PTPRE: variants seen among roughly 807,000 people sequenced by gnomAD.
PTPRE encodes the protein protein tyrosine phosphatase receptor type E.
PTPRE carries 51 observed loss-of-function variants against 102.0 expected under a neutral mutation model. That is an observed-to-expected ratio of 0.50 (90% CI 0.40 to 0.63). PTPRE has a LOEUF of 0.63. Among genes scored for constraint, PTPRE ranks in the 30% least tolerant of loss-of-function variants. The pLI is 0.00. For synonymous variants in PTPRE, 345 were observed against 348.2 expected, an observed-to-expected ratio of 0.99 and a Z score of 0.10; for missense variants, 752 against 915.1, an observed-to-expected ratio of 0.82 and a Z score of 2.30.
chr10:128,038,048 G>T (rs4131743), intron 2 of PTPRE, among the ~76,000 whole-genome samples: 1 of 146,852 alleles, frequency 6.8e-6, no homozygotes, highest in Non-Finnish European at 1.5e-5. Context: ...TGATCCACCC[G>T]CCTCGGCCTC....
intron 1 of PTPRE, among the ~76,000 whole-genome samples, chr10:127,939,622 T>C (rs1443805199): frequency 6.6e-6 from 1 of 151,870 alleles, no homozygotes; most frequent in Non-Finnish European, 1.5e-5. Flanking sequence ...CCCAAGGAGT[T>C]GGGTTGCTCT....
intron 1 of PTPRE, among the ~76,000 whole-genome samples, chr10:127,976,099 A>G (rs1851150736): frequency 6.6e-6 from 1 of 151,970 alleles, no homozygotes; most frequent in African/African-American, 2.4e-5. Flanking sequence ...CCTGTCCTCA[A>G]ACACTAGATC....
intron 6 of PTPRE, among the ~76,000 whole-genome samples, chr10:128,052,836 T>C (rs977109949): frequency 9.2e-5 from 14 of 152,152 alleles, no homozygotes; most frequent in African/African-American, 2.2e-4. Flanking sequence ...TGGAGCTCCA[T>C]AGAGCAGCTG....
At chr10:127,969,119 T>C (rs1850490365) in intron 1 of PTPRE, among the ~76,000 whole-genome samples, 1 of 152,200 alleles carries the variant, frequency 6.6e-6, no homozygotes, top group African/African-American at 2.4e-5. Context: ...AAAATACTAA[T>C]CTGGGGTTAT....
chr10:127,952,029 A>G (rs538437996), intron 1 of PTPRE, among the ~76,000 whole-genome samples: 72 of 152,300 alleles, frequency 4.7e-4, no homozygotes, highest in African/African-American at 1.6e-3. Flanking sequence ...CCTTGTCCAG[A>G]AGGCCCACCT....
At chr10:128,061,547 C>T in intron 8 of PTPRE, 132 bp from the exon 9 acceptor site, 1 of 1,124,334 alleles carries the variant, frequency 8.9e-7, no homozygotes, top group Non-Finnish European at 1.2e-6. Context: ...GTTTTCTTTC[C>T]TTCTTAACCT....
intron 1 of PTPRE, among the ~76,000 whole-genome samples, chr10:127,957,220 C>G (rs1223092403): frequency 1.3e-5 from 2 of 152,066 alleles, no homozygotes; most frequent in African/African-American, 4.8e-5. Context: ...ACATTTAGGT[C>G]TATGATCTAT....
intron 1 of PTPRE, among the ~76,000 whole-genome samples, chr10:127,917,683 T>C (rs1717633326): frequency 1.3e-5 from 2 of 152,054 alleles, no homozygotes; most frequent in Admixed American, 1.3e-4. Flanking sequence ...TTTTTTTATT[T>C]TGAAAATTGG....
intron 1 of PTPRE, among the ~76,000 whole-genome samples, chr10:127,911,367 C>T (rs1010036745): frequency 4.6e-5 from 7 of 152,238 alleles, no homozygotes; most frequent in African/African-American, 1.7e-4. Context: ...TTGCTGTGCA[C>T]ATTAACCAGG....
chr10:127,980,958 C>T (rs368144507), intron 1 of PTPRE, among the ~76,000 whole-genome samples: 6 of 152,084 alleles, frequency 3.9e-5, no homozygotes, highest in Non-Finnish European at 8.8e-5. Context: ...CGTGCAGTGA[C>T]GACTGAGCAA....
In PTPRE at chr10:128,083,019, T is replaced by A; in HGVS notation, c.*113T>A. On this transcript the variant is annotated 3_prime_UTR_variant, in exon 21 of 21. Coordinates refer to ENST00000254667, the MANE Select transcript of PTPRE (RefSeq NM_006504.6). ...TCTTCCCTAATTTCTTTGTATATATTTTGTTATGCCTTAAAGGCCACCTGC... is the reference window on the plus strand; with the variant it reads ...TCTTCCCTAATTTCTTTGTATATATATTGTTATGCCTTAAAGGCCACCTGC... 8.7e-7 allele frequency: 1 copy of A among 1,146,854 alleles called. No homozygotes were observed. Among genetic ancestry groups the A allele is most frequent in the Non-Finnish European group, 1.2e-6 (1 of 866,770 alleles). 71.0% of individuals were successfully genotyped at this position (1,146,854 alleles called of 1,614,324 possible).
intron 2 of PTPRE, among the ~76,000 whole-genome samples, chr10:127,988,575 G>A (rs953513243): frequency 6.6e-6 from 1 of 152,170 alleles, no homozygotes; most frequent in African/African-American, 2.4e-5. Context: ...AAAGTGCTGG[G>A]ATTACAGGCA....
At chr10:127,923,874 A>G (rs556640638) in intron 1 of PTPRE, among the ~76,000 whole-genome samples, 15 of 152,230 alleles carry the variant, frequency 9.9e-5, no homozygotes, top group African/African-American at 3.6e-4. Flanking sequence ...CCCCTGAGGG[A>G]TCAGAACAGA....
chr10:127,951,338 T>G (rs997681818), intron 1 of PTPRE, among the ~76,000 whole-genome samples: 2 of 152,192 alleles, frequency 1.3e-5, no homozygotes, highest in Non-Finnish European at 2.9e-5. Context: ...CTGTTCATCT[T>G]TCTCCCATCT....
chr10:127,985,216 T>C (rs540964587), intron 2 of PTPRE, among the ~76,000 whole-genome samples: 1 of 152,350 alleles, frequency 6.6e-6, no homozygotes, highest in East Asian at 1.9e-4. Flanking sequence ...CCTTCTTTTC[T>C]CTCATCTATC....
intron 2 of PTPRE, among the ~76,000 whole-genome samples, chr10:128,005,599 A>G (rs1360311708): frequency 1.3e-5 from 2 of 152,218 alleles, no homozygotes; most frequent in Non-Finnish European, 2.9e-5. Context: ...GTGCTAAGAG[A>G]ATAGCAGAGT....
At chr10:128,015,405 C>T (rs1381127765) in intron 2 of PTPRE, among the ~76,000 whole-genome samples, 2 of 151,812 alleles carry the variant, frequency 1.3e-5, no homozygotes, top group Non-Finnish European at 2.9e-5. Flanking sequence ...CTCGCTCTGT[C>T]GCCCAGGCTG....
chr10:128,041,071 T>C (rs1310471400), intron 3 of PTPRE, 81 bp downstream of exon 3: 1 of 1,217,182 alleles, frequency 8.2e-7, no homozygotes, highest in African/African-American at 1.5e-5. Context: ...ATAAAGGGGC[T>C]TAGGGTAAGA....
chr10:127,908,686 G>A (rs550624373), intron 1 of PTPRE, among the ~76,000 whole-genome samples: 1 of 152,162 alleles, frequency 6.6e-6, no homozygotes, highest in African/African-American at 2.4e-5. Context: ...TGGGGGCTGC[G>A]CTGTCAGTGA....
Sources: allele counts gnomAD v4.1 joint callset (sites outside exome capture counted in the v4.1 genomes callset), GRCh38; gene constraint gnomAD v4.1.1; transcripts MANE v1.5; gene names NCBI Gene and HGNC (gene_info 2026-07-23, HGNC 2026-07-21).